The following PAG1 variants were observed in gnomAD, a reference collection of about 807,000 sequenced individuals.
The protein encoded by PAG1 is phosphoprotein associated with glycosphingolipid-enriched microdomains 1.
PAG1 carries 23 observed loss-of-function variants against 31.7 expected under a neutral mutation model. The observed-to-expected ratio is 0.73, with a 90% CI of 0.52 to 1.03. The LOEUF (loss-of-function observed/expected upper bound fraction) is 1.03, where lower values mean the gene tolerates loss of function less well. Ranked by LOEUF, PAG1 falls within the 50% of genes least tolerant of loss-of-function variation. The pLI is 0.00. For synonymous variants in PAG1, 214 were observed against 210.3 expected (o/e 1.02, Z -0.15); for missense variants, 473 against 540.7 (o/e 0.87, Z 1.24).
intron 2 of PAG1, among the ~76,000 whole-genome samples, chr8:81,069,556 T>C (rs1056532664): frequency 1.3e-5 from 2 of 152,230 alleles, no homozygotes; most frequent in Non-Finnish European, 2.9e-5. Flanking sequence ...TTTTCCACAT[T>C]TGGTCTGTTC....
intron 2 of PAG1, among the ~76,000 whole-genome samples, chr8:81,040,574 T>C (rs943023538): frequency 1.5e-4 from 23 of 151,886 alleles, no homozygotes; most frequent in African/African-American, 5.3e-4. Flanking sequence ...ATGATATAGC[T>C]ACATATGTAT....
chr8:81,028,003 T>C (rs1391239798), intron 3 of PAG1, among the ~76,000 whole-genome samples: 1 of 151,764 alleles, frequency 6.6e-6, no homozygotes, highest in African/African-American at 2.4e-5. Flanking sequence ...ACAGCTGCTG[T>C]TGGGGCTGCT....
rs1807053385 is a variant in PAG1, at chr8:80,970,432, A to T, written c.*6112T>A. 6.6e-6 allele frequency: 1 copy of T among 152,652 alleles called. No homozygotes were observed. The highest frequency in any genetic ancestry group is 1.5e-5 in the Non-Finnish European group (1 of 68,114). 9.5% of individuals were successfully genotyped at this position (152,652 alleles called of 1,614,324 possible). A position where few individuals can be genotyped will look rare whatever the true frequency, so the allele number is the denominator to read the frequency against. On this transcript the variant is annotated 3_prime_UTR_variant, in exon 9 of 9. Coordinates refer to ENST00000220597, the MANE Select transcript of PAG1 (RefSeq NM_018440.4). Reference sequence around the variant, plus strand: ...CGGCCTAAAAATGATTACTTCTTATAAAAAGGATTTCTTCCCCTTCACAAC... The same window carrying T: ...CGGCCTAAAAATGATTACTTCTTATTAAAAGGATTTCTTCCCCTTCACAAC...
intron 2 of PAG1, among the ~76,000 whole-genome samples, chr8:81,048,627 G>A (rs895963247): frequency 2.0e-5 from 3 of 152,136 alleles, no homozygotes; most frequent in African/African-American, 7.2e-5. Flanking sequence ...TAAGGGTGAT[G>A]TTTGAGCCTT....
Position 80,989,608 on chromosome 8 carries a change from G to A in PAG1, c.177+1871C>T, listed in dbSNP as rs544846526. Among the ~76,000 whole-genome samples, 16 of 152,250 alleles carry A rather than the reference G, an allele frequency of 1.1e-4. No homozygotes were observed. In the East Asian group the frequency reaches 2.7e-3, roughly 26 times the overall value. ...TGGGGCAATAATGAATTATATGGTG[G>A]ATGAGGAAGAAGGCAGGGGATGGAA... On this transcript the variant is annotated intron_variant, in intron 5 of 8. Transcript: ENST00000220597.
chr8:80,978,814 T>C (rs1807238083), intron 8 of PAG1, among the ~76,000 whole-genome samples: 1 of 152,228 alleles, frequency 6.6e-6, no homozygotes, highest in Non-Finnish European at 1.5e-5. Flanking sequence ...TATTTTTATT[T>C]TGTATACAGG....
In PAG1 at chr8:80,971,455, T is replaced by C. The variant is rs1807075646; in HGVS notation, c.*5089A>G. On this transcript the variant is annotated 3_prime_UTR_variant, in exon 9 of 9. Coordinates refer to ENST00000220597, the MANE Select transcript of PAG1 (RefSeq NM_018440.4). ...ATGAGGCATGTTAATACAACACAAT[T>C]ATTTAAAAGGTAACAACATTAAAAC... 1 of 152,216 alleles carries C rather than the reference T, an allele frequency of 6.6e-6. No individual in the cohort carries two copies. Among genetic ancestry groups the C allele is most frequent in the Admixed American group, 6.5e-5 (1 of 15,288 alleles). 9.4% of individuals were successfully genotyped at this position (152,216 alleles called of 1,614,324 possible). A position where few individuals can be genotyped will look rare whatever the true frequency, so the allele number is the denominator to read the frequency against.
At chr8:81,103,089 A>G (rs148453874) in intron 1 of PAG1, among the ~76,000 whole-genome samples, 82 of 151,854 alleles carry the variant, frequency 5.4e-4, no homozygotes, top group African/African-American at 1.8e-3. Context: ...GAATCCTTAT[A>G]TTTATACTCA....
At position 80,974,566 on chromosome 8, in the gene PAG1, A is replaced by AACAT. The variant is rs1322814517; in HGVS notation, c.*1974_*1977dup. 1 of 152,212 alleles carries AACAT rather than the reference A, an allele frequency of 6.6e-6. No individual in the cohort carries two copies. Among genetic ancestry groups the AACAT allele is most frequent in the Non-Finnish European group, 1.5e-5 (1 of 68,028 alleles). The allele number at this position is 152,212 out of a possible 1,614,324, so 9.4% of individuals were successfully genotyped here. On this transcript the variant is annotated 3_prime_UTR_variant, in exon 9 of 9. Coordinates refer to ENST00000220597, the MANE Select transcript of PAG1 (RefSeq NM_018440.4). ...TAATGACAACCAACCAGTTTACCTC[A>AACAT]ACATAGCTCACTCTGCAATGTCAGA...
rs1472866813 is a variant in PAG1 at position 80,970,630 on chromosome 8, T to C, written c.*5914A>G. 1 of 152,748 alleles carries C rather than the reference T, an allele frequency of 6.5e-6. No individual in the cohort carries two copies. Among genetic ancestry groups the C allele is most frequent in the African/African-American group, 2.4e-5 (1 of 41,476 alleles). 9.5% of individuals were successfully genotyped at this position (152,748 alleles called of 1,614,324 possible). On this transcript the variant is annotated 3_prime_UTR_variant, in exon 9 of 9. Coordinates refer to ENST00000220597, the MANE Select transcript of PAG1 (RefSeq NM_018440.4). ...AGAGCACGGCACTAACATTTCTGCCTCTGTGAGTTTGATTCCACCACATAA... is the reference window on the plus strand; with the variant it reads ...AGAGCACGGCACTAACATTTCTGCCCCTGTGAGTTTGATTCCACCACATAA...
chr8:81,091,855 C>G (rs1230103834), intron 1 of PAG1, among the ~76,000 whole-genome samples: 1 of 151,782 alleles, frequency 6.6e-6, no homozygotes, highest in Non-Finnish European at 1.5e-5. Flanking sequence ...AAAAAAAACA[C>G]CCTGTCCAGG....
intron 3 of PAG1, among the ~76,000 whole-genome samples, chr8:81,027,313 A>G (rs549422186): frequency 2.6e-5 from 4 of 152,200 alleles, no homozygotes; most frequent in African/African-American, 9.7e-5. Flanking sequence ...ATTTCTATAC[A>G]TTTTTAAAAA....
rs377611753 is a variant in PAG1 at position 81,082,019 on chromosome 8, G to A, written c.-233-11849C>T. Among the ~76,000 whole-genome samples the A allele has an allele frequency of 1.5e-3, 226 of 152,116 alleles. 8 individuals carry two copies. In the East Asian group the frequency reaches 0.04, roughly 27 times the overall value. On this transcript the variant is annotated intron_variant, in intron 1 of 8. Transcript: ENST00000220597. Reference sequence around the variant, plus strand: ...TGTAATCCCAGCACTTTGGGAGGCCGAGGCAGGCAGAACACCTGAGGTCAG... The same window carrying A: ...TGTAATCCCAGCACTTTGGGAGGCCAAGGCAGGCAGAACACCTGAGGTCAG...
rs150593450 is a variant in PAG1 at position 81,084,326 on chromosome 8, A to T, written c.-233-14156T>A. Among the ~76,000 whole-genome samples, 292 of 152,348 alleles carry T rather than the reference A, an allele frequency of 1.9e-3. 2 individuals are homozygous for T. The highest frequency in any genetic ancestry group is 6.8e-3 in the African/African-American group (281 of 41,596). On this transcript the variant is annotated intron_variant, in intron 1 of 8. Coordinates refer to ENST00000220597, the MANE Select transcript of PAG1 (RefSeq NM_018440.4). Reference sequence around the variant, plus strand: ...AAATTAGAAACCTCATTAAGTAAGGACATTGCATTTGCTATGCTGAAAAGG... The same window carrying T: ...AAATTAGAAACCTCATTAAGTAAGGTCATTGCATTTGCTATGCTGAAAAGG...
chr8:81,020,419 G>A (rs1469223866), intron 3 of PAG1, among the ~76,000 whole-genome samples: 1 of 152,218 alleles, frequency 6.6e-6, no homozygotes, highest in Non-Finnish European at 1.5e-5. Context: ...CTGGTGGGAA[G>A]AGATTGAATC....
intron 2 of PAG1, among the ~76,000 whole-genome samples, chr8:81,032,846 C>T (rs1276657749): frequency 1.3e-5 from 2 of 152,032 alleles, no homozygotes; most frequent in Non-Finnish European, 2.9e-5. Flanking sequence ...TGGGTATATA[C>T]AAAATGTGGT....
At chr8:81,078,403 C>A (rs1469796913) in intron 1 of PAG1, among the ~76,000 whole-genome samples, 1 of 152,136 alleles carries the variant, frequency 6.6e-6, no homozygotes, top group Non-Finnish European at 1.5e-5. Context: ...TATTATAAGT[C>A]ATGAACAGAT....
chr8:81,065,930 C>T (rs1346331706), intron 2 of PAG1, among the ~76,000 whole-genome samples: 1 of 152,070 alleles, frequency 6.6e-6, no homozygotes, highest in Non-Finnish European at 1.5e-5. Context: ...GGCCTAGCTA[C>T]ACAGAGAGCT....
At chr8:80,997,175 C>T (rs189161840) in intron 3 of PAG1, among the ~76,000 whole-genome samples, 133 of 152,310 alleles carry the variant, frequency 8.7e-4, no homozygotes, top group Admixed American at 2.4e-3. Flanking sequence ...GGAGGAGCAT[C>T]CCCTATGTTT....
Sources: gnomAD v4.1 joint callset for allele counts (sites outside exome capture counted in the v4.1 genomes callset) on GRCh38, gnomAD v4.1.1 for gene constraint, MANE v1.5 for transcripts, NCBI Gene and HGNC (gene_info 2026-07-23, HGNC 2026-07-21) for gene names.